COL23A1: variants seen among roughly 807,000 people sequenced by gnomAD.
COL23A1 encodes the protein collagen type XXIII alpha 1 chain.
COL23A1 carries 97 observed loss-of-function variants against 99.3 expected under a neutral mutation model. That is an observed-to-expected ratio of 0.98 (90% confidence interval 0.83 to 1.16). The LOEUF (loss-of-function observed/expected upper bound fraction) is 1.16. Ranked by LOEUF, COL23A1 falls within the 50% of genes most tolerant of loss-of-function variation. The probability of loss-of-function intolerance (pLI) is 0.00; values close to 1 mark genes in which losing one functional copy is unlikely to be tolerated. For synonymous variants in COL23A1, 320 were observed against 308.2 expected (o/e 1.04, Z -0.40); for missense variants, 762 against 757.4 (o/e 1.01, Z -0.07).
At chr5:178,392,485 G>A (rs561160317) in intron 2 of COL23A1, among the ~76,000 whole-genome samples, 96 of 152,220 alleles carry the variant, frequency 6.3e-4, no homozygotes, top group African/African-American at 2.2e-3. Flanking sequence ...AGAAGGCCAC[G>A]CCACCTCCAG....
intron 25 of COL23A1, among the ~76,000 whole-genome samples, chr5:178,244,596 G>A (rs982391698): frequency 1.3e-5 from 2 of 152,156 alleles, no homozygotes; most frequent in Admixed American, 6.5e-5. Flanking sequence ...TGCTGGTCTC[G>A]AGCTGCTGGC....
rs558661606 is a variant in COL23A1, at chr5:178,543,176, C to T, written c.361+17506G>A. On this transcript the variant is annotated intron_variant, in intron 2 of 28. Coordinates refer to ENST00000390654, the MANE Select transcript of COL23A1 (RefSeq NM_173465.4). The stretch of plus-strand genomic sequence containing the variant: ...AGGCTGGAGTGCAATGGCGCGATCT[C>T]GGCTCACTGCAACCTCCGCCTCCCA... Among the ~76,000 whole-genome samples the T allele has an allele frequency of 4.0e-5, 6 of 151,702 alleles. No individual in the cohort carries two copies. The East Asian group carries it at 5.8e-4, about 15-fold the overall frequency.
chr5:178,297,913 A>G (rs1757832306), intron 3 of COL23A1, among the ~76,000 whole-genome samples: 1 of 152,136 alleles, frequency 6.6e-6, no homozygotes. Flanking sequence ...CTGGAGATGG[A>G]CTGTACGGCC....
At chr5:178,557,418 T>C (rs887778172) in intron 2 of COL23A1, among the ~76,000 whole-genome samples, 4 of 152,286 alleles carry the variant, frequency 2.6e-5, no homozygotes, top group East Asian at 1.9e-4. Context: ...ACTATTTTAT[T>C]GAGGATGGGT....
In COL23A1 at chr5:178,308,701, C is replaced by T. The variant is rs1236481495; in HGVS notation, c.362-1782G>A. On this transcript the variant is annotated intron_variant, in intron 2 of 28. Coordinates refer to ENST00000390654, the MANE Select transcript of COL23A1 (RefSeq NM_173465.4). The surrounding 1 kb of genome is among the most constrained non-coding windows in gnomAD (Gnocchi z 5.1). Reference sequence around the variant, plus strand: ...GACCAGTTGTGGCCCAAACACCTGCCTTGGTCTCCTCCCCAGTGCCCTGTG... The same window carrying T: ...GACCAGTTGTGGCCCAAACACCTGCTTTGGTCTCCTCCCCAGTGCCCTGTG... Among the ~76,000 whole-genome samples, 1 of 152,238 alleles carries T rather than the reference C, an allele frequency of 6.6e-6. No homozygotes were observed. The highest frequency in any genetic ancestry group is 1.5e-5 in the Non-Finnish European group (1 of 68,048).
intron 2 of COL23A1, among the ~76,000 whole-genome samples, chr5:178,546,457 C>T (rs1401328584): frequency 1.3e-5 from 2 of 152,166 alleles, no homozygotes; most frequent in African/African-American, 4.8e-5. Flanking sequence ...CAGGACCCTC[C>T]CTGGATCCCC....
chr5:178,480,713 G>A (rs756759417), intron 2 of COL23A1, among the ~76,000 whole-genome samples: 19 of 152,302 alleles, frequency 1.2e-4, no homozygotes, highest in Middle Eastern at 3.4e-3. Context: ...AAGTCAAAAT[G>A]TAATGGTCAC....
intron 2 of COL23A1, among the ~76,000 whole-genome samples, chr5:178,316,300 C>A (rs1758980551): frequency 6.6e-6 from 1 of 152,122 alleles, no homozygotes; most frequent in Non-Finnish European, 1.5e-5. Context: ...TTGTTACCTT[C>A]TTAATATAAT....
At chr5:178,378,408 G>A (rs999001780) in intron 2 of COL23A1, among the ~76,000 whole-genome samples, 8 of 152,140 alleles carry the variant, frequency 5.3e-5, no homozygotes, top group Admixed American at 5.2e-4. Flanking sequence ...ACCGGTATGG[G>A]ACCTGTACTT....
At chr5:178,408,975 T>A (rs12518887) in intron 2 of COL23A1, among the ~76,000 whole-genome samples, 141 of 101,638 alleles carry the variant, frequency 1.4e-3, no homozygotes, top group Middle Eastern at 7.5e-3. Context: ...AAAAAAAAAA[T>A]ACACACACAC....
chr5:178,478,125 C>G (rs1757130375), intron 2 of COL23A1, among the ~76,000 whole-genome samples: 2 of 152,174 alleles, frequency 1.3e-5, no homozygotes, highest in Non-Finnish European at 2.9e-5. Context: ...CAGACAGTGC[C>G]TGCGGGCCCC....
At chr5:178,244,920 A>G (rs1412857393) in intron 25 of COL23A1, among the ~76,000 whole-genome samples, 2 of 152,092 alleles carry the variant, frequency 1.3e-5, no homozygotes, top group East Asian at 3.9e-4. Flanking sequence ...CCTTGCTACA[A>G]TGCATCATCC....
rs553748208 is a variant in COL23A1 at position 178,246,510 on chromosome 5, A to C, written c.1297-57T>G. The stretch of plus-strand genomic sequence containing the variant: ...GAAGGGGTTAGACAGACAGTAGGAC[A>C]GGCAAGCTTGGAGACTGCAAGGGAG... On this transcript the variant is annotated intron_variant, in intron 22 of 28. Transcript: ENST00000390654. The C allele has an allele frequency of 5.2e-6, 8 of 1,525,230 alleles. No individual in the cohort carries two copies. In the East Asian group the frequency reaches 2.0e-4, roughly 37 times the overall value. 94.5% of individuals were successfully genotyped at this position (1,525,230 alleles called of 1,614,324 possible).
chr5:178,336,437 G>A (rs1760320796), intron 2 of COL23A1, among the ~76,000 whole-genome samples: 1 of 152,236 alleles, frequency 6.6e-6, no homozygotes, highest in Non-Finnish European at 1.5e-5. Flanking sequence ...TACATGCTAT[G>A]ACATGGATAA....
At chr5:178,246,210 C>G (rs893372833) in intron 24 of COL23A1, 44 bp downstream of exon 24, 1 of 1,548,596 alleles carries the variant, frequency 6.5e-7, no homozygotes, top group African/African-American at 1.4e-5. Flanking sequence ...CCACCATGAC[C>G]AGGTGGCCAC....
rs1388432787 is a variant in COL23A1, at chr5:178,281,903, T to C, written c.441+6421A>G. On this transcript the variant is annotated intron_variant, in intron 5 of 28. Transcript: ENST00000390654. This position sits in a 1 kb window ranked among gnomAD's most constrained non-coding sequence, Gnocchi z 4.0. ...TGTGTCTATTAAAAACACAAAAAAA[T>C]CAGCCAGGCGTGGTGGTGCGTACCT... is the stretch of plus-strand genomic sequence containing the variant. 1.3e-5 allele frequency among the ~76,000 whole-genome samples: 2 copies of C among 151,318 alleles called. No homozygotes were observed. The highest frequency in any genetic ancestry group is 1.3e-4 in the Admixed American group (2 of 15,174).
At chr5:178,248,994 G>A (rs1483592627) in intron 19 of COL23A1, 123 bp downstream of exon 19, 1 of 907,148 alleles carries the variant, frequency 1.1e-6, no homozygotes, top group African/African-American at 1.6e-5. Context: ...CCGGCCGGCT[G>A]GGCACTGAGA....
At chr5:178,477,811 G>T (rs541047540) in intron 2 of COL23A1, among the ~76,000 whole-genome samples, 1 of 152,306 alleles carries the variant, frequency 6.6e-6, no homozygotes, top group African/African-American at 2.4e-5. Flanking sequence ...TCACAGGCTG[G>T]GATTCTTTCG....
At chr5:178,422,882 G>GT (rs1418383105) in intron 2 of COL23A1, among the ~76,000 whole-genome samples, 2 of 152,132 alleles carry the variant, frequency 1.3e-5, no homozygotes, top group African/African-American at 4.8e-5. Context: ...TAATGATGAT[G>GT]TGACTTATAA....
Sources: allele counts gnomAD v4.1 joint callset (sites outside exome capture counted in the v4.1 genomes callset), GRCh38; gene constraint gnomAD v4.1.1; non-coding constraint Gnocchi (gnomAD v3.1); transcripts MANE v1.5; gene names NCBI Gene and HGNC (gene_info 2026-07-23, HGNC 2026-07-21).